The following GRM5 variants were observed in gnomAD, a reference collection of about 807,000 sequenced individuals.
GRM5 encodes the protein glutamate metabotropic receptor 5, also known as metabotropic glutamate receptor 5.
A neutral mutation model predicts 83.1 loss-of-function variants in GRM5; 19 were observed. That is an observed-to-expected ratio of 0.23 (90% confidence interval 0.16 to 0.34). The LOEUF (loss-of-function observed/expected upper bound fraction) is 0.34, where lower values mean the gene tolerates loss of function less well. GRM5 is among the 10% of genes least tolerant of loss of function. The pLI, the probability that GRM5 is intolerant of heterozygous loss-of-function variation, is 1.00. For missense variants in GRM5, 1,160 were observed against 1,588.3 expected, an observed-to-expected ratio of 0.73 and a Z score of 4.58; for synonymous variants, 675 against 633.6, an observed-to-expected ratio of 1.07 and a Z score of -0.98.
intron 2 of GRM5, among the ~76,000 whole-genome samples, chr11:88,976,904 C>T (rs1219101943): frequency 2.0e-5 from 3 of 151,580 alleles, no homozygotes; most frequent in Admixed American, 6.6e-5. Context: ...GTATACTTAG[C>T]ATATTCCCCT....
chr11:88,509,178 G>A lies in GRM5; in HGVS notation c.3053C>T (p.Ser1018Leu). 1 of 1,535,570 alleles carries A rather than the reference G, an allele frequency of 6.5e-7. No homozygotes were observed. Among genetic ancestry groups the A allele is most frequent in the Non-Finnish European group, 8.7e-7 (1 of 1,143,402 alleles). The change falls in exon 10 of 10, where the codon TCA (serine) becomes TTA (leucine). Residue 1018 changes from serine (S) to leucine (L), a missense_variant. By Grantham distance (145) the Ser-to-Leu change is moderately radical. Transcript: ENST00000305447. ...EHFPAPARPR[S>L]PSPISTLSHR... Reference sequence around the variant, plus strand: ...GCTCAGCGTGCTGATGGGCGACGGTGAGCGCGGCCGCGCGGGCGCCGGGAA... The same window carrying A: ...GCTCAGCGTGCTGATGGGCGACGGTAAGCGCGGCCGCGCGGGCGCCGGGAA...
chr11:88,935,340 AGTGT>A (rs1169089242), intron 2 of GRM5, among the ~76,000 whole-genome samples: 1 of 127,192 alleles, frequency 7.9e-6, no homozygotes, highest in Non-Finnish European at 1.7e-5. Context: ...ACAAAAAAAT[AGTGT>A]GTGTATGTGT....
intron 3 of GRM5, among the ~76,000 whole-genome samples, chr11:88,719,611 G>T (rs1941486017): frequency 1.3e-5 from 2 of 151,994 alleles, no homozygotes; most frequent in South Asian, 4.2e-4. Flanking sequence ...TGGTATTTCT[G>T]TCTTTAGGTC....
chr11:88,943,287 T>C (rs1356484478), intron 2 of GRM5, among the ~76,000 whole-genome samples: 1 of 152,048 alleles, frequency 6.6e-6, no homozygotes, highest in Non-Finnish European at 1.5e-5. Flanking sequence ...TTCCAGAACA[T>C]TTCTCCAGAC....
intron 3 of GRM5, among the ~76,000 whole-genome samples, chr11:88,696,986 C>T (rs1381027270): frequency 6.6e-6 from 1 of 152,160 alleles, no homozygotes; most frequent in Non-Finnish European, 1.5e-5. Flanking sequence ...CTTTCTAAGC[C>T]TACCAGCTGC....
intron 3 of GRM5, among the ~76,000 whole-genome samples, chr11:88,847,780 A>G (rs913410452): frequency 2.0e-5 from 3 of 152,240 alleles, no homozygotes; most frequent in Non-Finnish European, 2.9e-5. Flanking sequence ...TTAGTATTCC[A>G]TGAATTAAAT....
At chr11:88,873,367 T>A (rs934961780) in intron 2 of GRM5, among the ~76,000 whole-genome samples, 2 of 151,660 alleles carry the variant, frequency 1.3e-5, no homozygotes, top group Non-Finnish European at 3.0e-5. Context: ...ATAAACCTAA[T>A]AAATGTTTAC....
At chr11:88,955,339 T>C (rs974498483) in intron 2 of GRM5, among the ~76,000 whole-genome samples, 5 of 152,222 alleles carry the variant, frequency 3.3e-5, no homozygotes, top group African/African-American at 7.2e-5. Context: ...CACTAAAAGA[T>C]CTTATGGTGA....
intron 3 of GRM5, among the ~76,000 whole-genome samples, chr11:88,714,680 C>T (rs757034145): frequency 3.3e-5 from 5 of 151,888 alleles, no homozygotes; most frequent in Admixed American, 1.3e-4. Context: ...CCCTTAAACA[C>T]ACTTGTGAAG....
At chr11:89,026,473 G>A (rs1462731350) in intron 2 of GRM5, among the ~76,000 whole-genome samples, 1 of 152,102 alleles carries the variant, frequency 6.6e-6, no homozygotes, top group Non-Finnish European at 1.5e-5. Context: ...TAGATAGCAT[G>A]GTGTAATAGA....
At chr11:88,678,399 C>T (rs75338179) in intron 3 of GRM5, among the ~76,000 whole-genome samples, 110 of 152,226 alleles carry the variant, frequency 7.2e-4, no homozygotes, top group Non-Finnish European at 1.2e-3. Flanking sequence ...TTGAACTTCA[C>T]CTTATTTGTC....
At chr11:88,754,879 T>C (rs1406038767) in intron 3 of GRM5, among the ~76,000 whole-genome samples, 3 of 152,176 alleles carry the variant, frequency 2.0e-5, no homozygotes, top group Admixed American at 2.0e-4. Context: ...CAATTGTCTC[T>C]GTGCTCTGCC....
intron 3 of GRM5, among the ~76,000 whole-genome samples, chr11:88,802,133 T>C (rs1590868273): frequency 6.6e-6 from 1 of 152,162 alleles, no homozygotes; most frequent in East Asian, 1.9e-4. Flanking sequence ...GCAGTGACAG[T>C]GATGAGAGCT....
At chr11:89,052,317 T>TA (rs989353248) in intron 1 of GRM5, among the ~76,000 whole-genome samples, 2 of 151,924 alleles carry the variant, frequency 1.3e-5, no homozygotes, top group Non-Finnish European at 2.9e-5. Context: ...AAGGTACAGC[T>TA]AAAAAATAAG....
rs202193167 is a variant in GRM5 at position 88,508,601 on chromosome 11, C to T, written c.3630G>A (p.Ser1210=). 5 of 1,607,672 alleles carry T rather than the reference C, an allele frequency of 3.1e-6. No individual in the cohort carries two copies. The African/African-American group carries it at 4.1e-5, about 13-fold the overall frequency. The change falls in exon 10 of 10, where the codon TCG becomes TCA. Residue 1210 remains serine (S), a synonymous_variant. Transcript: ENST00000305447. This position sits in a 1 kb window ranked among gnomAD's most constrained non-coding sequence, Gnocchi z 4.2. ...TGCTTTCCAGGGACATTCACAACGA[C>T]GAGGAGCTCTGAGTGTAATCTCTTA... ...LIIRDYTQSS[S]SL is the part of the protein sequence containing the mutation.
chr11:88,827,405 G>A (rs1255776075), intron 3 of GRM5, among the ~76,000 whole-genome samples: 2 of 152,162 alleles, frequency 1.3e-5, no homozygotes, highest in Non-Finnish European at 2.9e-5. Context: ...ATTTCATGGA[G>A]ATTTCTAGAT....
chr11:88,731,521 T>C (rs1204486115), intron 3 of GRM5, among the ~76,000 whole-genome samples: 1 of 152,070 alleles, frequency 6.6e-6, no homozygotes, highest in Non-Finnish European at 1.5e-5. Context: ...AAATGTTTAA[T>C]GGAAGAAAGT....
At chr11:88,990,949 G>T (rs558689043) in intron 2 of GRM5, among the ~76,000 whole-genome samples, 1 of 152,256 alleles carries the variant, frequency 6.6e-6, no homozygotes, top group South Asian at 2.1e-4. Context: ...TTGAAAACTG[G>T]CACAAGACAG....
chr11:88,905,870 A>C (rs866247228), intron 2 of GRM5, among the ~76,000 whole-genome samples: 33 of 152,196 alleles, frequency 2.2e-4, no homozygotes, highest in African/African-American at 6.8e-4. Flanking sequence ...GGCAGGAGGC[A>C]GTGGTGGGGG....
Sources: gnomAD v4.1 joint callset for allele counts (sites outside exome capture counted in the v4.1 genomes callset) on GRCh38, gnomAD v4.1.1 for gene constraint, Gnocchi (gnomAD v3.1) non-coding constraint, MANE v1.5 for transcripts, NCBI Gene and HGNC (gene_info 2026-07-23, HGNC 2026-07-21) for gene names.